Variants in ARHGAP6 observed in about 807,000 individuals in gnomAD.
ARHGAP6 encodes the protein rho GTPase-activating protein 6.
Under a neutral mutation model 55.7 loss-of-function variants are expected in ARHGAP6, and 16 were observed. The observed-to-expected ratio is 0.29, with a 90% confidence interval of 0.19 to 0.44. The LOEUF (loss-of-function observed/expected upper bound fraction) is 0.44. Among genes scored for constraint, ARHGAP6 ranks in the 20% least tolerant of loss-of-function variants. ARHGAP6 has a pLI of 1.00. For missense variants in ARHGAP6, 698 were observed against 808.9 expected (o/e 0.86, Z 1.66); for synonymous variants, 382 against 360.9 (o/e 1.06, Z -0.66).
In ARHGAP6 at chrX:11,179,327, C is replaced by T. The variant is rs201574950; in HGVS notation, c.1455G>A (p.Leu485=). 22 of 1,206,288 alleles carry T rather than the reference C, an allele frequency of 1.8e-5. No individual in the cohort carries two copies. Among genetic ancestry groups the T allele is most frequent in the Non-Finnish European group, 2.5e-5 (22 of 893,667 alleles). The change falls in exon 7 of 13, where the codon CTG becomes CTA. Residue 485 remains leucine (L), a synonymous_variant. Coordinates refer to ENST00000337414, the MANE Select transcript of ARHGAP6 (RefSeq NM_013427.3). ...DMPDPLLTRE[L]YTAFINTLLL... is the part of the protein sequence containing the mutation. ...AGAGAGTGTTGATGAAAGCTGTGTA[C>T]AGCTCCCTGGTGAGAAGGGGGTCTG...
chrX:11,494,309 G>A (rs781377540), intron 1 of ARHGAP6, among the ~76,000 whole-genome samples: 15 of 111,778 alleles, frequency 1.3e-4, no homozygotes, highest in Non-Finnish European at 2.6e-4. Flanking sequence ...ACACAAAATG[G>A]TCAGATCCTT....
At chrX:11,550,073 G>A (rs1175391184) in intron 1 of ARHGAP6, among the ~76,000 whole-genome samples, 2 of 112,097 alleles carry the variant, frequency 1.8e-5, no homozygotes, top group Non-Finnish European at 3.8e-5. Context: ...TTCTGGTTGT[G>A]GCTAGGGATA....
intron 2 of ARHGAP6, among the ~76,000 whole-genome samples, chrX:11,217,603 T>C (rs1277463471): frequency 8.9e-6 from 1 of 112,286 alleles, no homozygotes; most frequent in Non-Finnish European, 1.9e-5. Context: ...TTGTAGATTC[T>C]GGATATTAGC....
At chrX:11,341,231 C>T (rs1175503930) in intron 1 of ARHGAP6, among the ~76,000 whole-genome samples, 1 of 111,337 alleles carries the variant, frequency 9.0e-6, no homozygotes, top group African/African-American at 3.3e-5. Flanking sequence ...ATTCCAAAAC[C>T]CATGTCAACC....
At chrX:11,199,515 T>A (rs572632717) in intron 2 of ARHGAP6, among the ~76,000 whole-genome samples, 1 of 112,501 alleles carries the variant, frequency 8.9e-6, no homozygotes, top group South Asian at 3.7e-4. Flanking sequence ...CTCCAGGGTG[T>A]ATATGTAAAA....
intron 6 of ARHGAP6, among the ~76,000 whole-genome samples, chrX:11,179,705 A>AT (rs1016886079): frequency 1.1e-4 from 12 of 105,044 alleles, no homozygotes; most frequent in Non-Finnish European, 2.3e-4. Context: ...ACATATATAC[A>AT]ATATATGTAT....
chrX:11,590,869 G>GAAAAGAAGGAAA (rs2051813205), intron 1 of ARHGAP6, among the ~76,000 whole-genome samples: 4 of 24,199 alleles, frequency 1.7e-4, no homozygotes, highest in Non-Finnish European at 2.7e-4. Flanking sequence ...AAGAAAAGAA[G>GAAAAGAAGGAAA]GAAAGAAAGA....
chrX:11,543,582 G>T (rs968997909), intron 1 of ARHGAP6, among the ~76,000 whole-genome samples: 2 of 112,175 alleles, frequency 1.8e-5, no homozygotes, highest in African/African-American at 6.5e-5. Flanking sequence ...CAATGCAAAG[G>T]TATTTTGCTG....
intron 1 of ARHGAP6, among the ~76,000 whole-genome samples, chrX:11,387,908 A>G (rs1313004772): frequency 4.5e-5 from 5 of 111,843 alleles, no homozygotes; most frequent in Non-Finnish European, 5.6e-5. Flanking sequence ...GCTGCATAGT[A>G]TTTCATGGTG....
rs1415471999 is a variant in ARHGAP6 at position 11,460,429 on chromosome X, C to A, written c.588+203812G>T. On this transcript the variant is annotated intron_variant, in intron 1 of 12. Coordinates refer to ENST00000337414, the MANE Select transcript of ARHGAP6 (RefSeq NM_013427.3). ...TACGTTCACTTAGGGTCATAGGACC[C>A]TTGTATGACCCTGTATGATCCTGAG... Among the ~76,000 whole-genome samples the A allele has an allele frequency of 3.6e-5, 4 of 111,692 alleles. No homozygotes were observed. In the Admixed American group the frequency reaches 3.8e-4, roughly 11 times the overall value.
At chrX:11,578,210 C>T (rs1004787742) in intron 1 of ARHGAP6, among the ~76,000 whole-genome samples, 3 of 111,412 alleles carry the variant, frequency 2.7e-5, no homozygotes, top group Non-Finnish European at 3.8e-5. Context: ...TGGGCATCCC[C>T]CACCCTCTAT....
chrX:11,367,038 G>A (rs985490817), intron 1 of ARHGAP6, among the ~76,000 whole-genome samples: 1 of 111,405 alleles, frequency 9.0e-6, no homozygotes, highest in East Asian at 2.8e-4. Flanking sequence ...TATGGAAAAG[G>A]GAAGAAAAGA....
chrX:11,285,339 G>A (rs2047908921), intron 1 of ARHGAP6, among the ~76,000 whole-genome samples: 1 of 110,902 alleles, frequency 9.0e-6, no homozygotes, highest in African/African-American at 3.3e-5. Flanking sequence ...AAACATCTTT[G>A]GAACATGTAT....
chrX:11,300,387 A>T (rs1279462384), intron 1 of ARHGAP6, among the ~76,000 whole-genome samples: 2 of 111,880 alleles, frequency 1.8e-5, no homozygotes, highest in Admixed American at 1.9e-4. Context: ...ATTTTATTAT[A>T]AAATAATAGG....
chrX:11,308,407 T>C (rs768355389), intron 1 of ARHGAP6, among the ~76,000 whole-genome samples: 2 of 112,080 alleles, frequency 1.8e-5, no homozygotes, highest in South Asian at 7.5e-4. Flanking sequence ...CTTTATTGTA[T>C]GCAAACAACA....
chrX:11,162,545 C>G (rs1352153855), intron 9 of ARHGAP6, among the ~76,000 whole-genome samples: 1 of 111,245 alleles, frequency 9.0e-6, no homozygotes, highest in African/African-American at 3.3e-5. Flanking sequence ...CTCTCTTGCT[C>G]AATTTTATGC....
chrX:11,441,793 G>A (rs1388166126), intron 1 of ARHGAP6, among the ~76,000 whole-genome samples: 1 of 109,883 alleles, frequency 9.1e-6, no homozygotes. Flanking sequence ...GACCTGGGAG[G>A]CTGCATTGAG....
chrX:11,154,925 G>T (rs1008084001), intron 10 of ARHGAP6, among the ~76,000 whole-genome samples: 2 of 111,967 alleles, frequency 1.8e-5, no homozygotes, highest in African/African-American at 6.5e-5. Context: ...CTTGAATCCA[G>T]GCCTTACTTT....
intron 1 of ARHGAP6, among the ~76,000 whole-genome samples, chrX:11,648,208 T>C (rs930880491): frequency 7.2e-5 from 8 of 111,847 alleles, no homozygotes; most frequent in African/African-American, 2.6e-4. Context: ...ACAGAGTAAT[T>C]ACCCTGATTT....
Sources: gnomAD v4.1 joint callset for allele counts (sites outside exome capture counted in the v4.1 genomes callset) on GRCh38, gnomAD v4.1.1 for gene constraint, MANE v1.5 for transcripts, NCBI Gene and HGNC (gene_info 2026-07-23, HGNC 2026-07-21) for gene names.